The following NALF1 variants were observed in gnomAD, a reference collection of about 807,000 sequenced individuals.
The protein encoded by NALF1 is NALCN channel auxiliary factor 1, also known as family with sequence similarity 155 member A.
Under a neutral mutation model 48.4 loss-of-function variants are expected in NALF1, and 3 were observed. That is an observed-to-expected ratio of 0.06 (90% CI 0.03 to 0.16). The LOEUF (loss-of-function observed/expected upper bound fraction) is 0.16, where lower values mean the gene tolerates loss of function less well. NALF1 is among the 10% of genes least tolerant of loss of function. The pLI is 1.00. For synonymous variants in NALF1, 262 were observed against 245.7 expected, an observed-to-expected ratio of 1.07 and a Z score of -0.62; for missense variants, 526 against 571.5, an observed-to-expected ratio of 0.92 and a Z score of 0.81.
intron 1 of NALF1, among the ~76,000 whole-genome samples, chr13:107,455,142 C>T (rs1884803156): frequency 1.3e-5 from 2 of 152,094 alleles, no homozygotes; most frequent in African/African-American, 4.8e-5. Flanking sequence ...CTCTCACCTG[C>T]TGCCATGTAA....
At chr13:107,348,746 A>T (rs1051612181) in intron 1 of NALF1, among the ~76,000 whole-genome samples, 1 of 152,212 alleles carries the variant, frequency 6.6e-6, no homozygotes, top group African/African-American at 2.4e-5. Context: ...TTTCAGACGA[A>T]GCAGGCATTT....
intron 1 of NALF1, among the ~76,000 whole-genome samples, chr13:107,404,911 T>A (rs1443899433): frequency 2.6e-5 from 4 of 152,102 alleles, no homozygotes; most frequent in African/African-American, 4.8e-5. Context: ...CTCAATAAAG[T>A]TTCATCTATG....
intron 1 of NALF1, among the ~76,000 whole-genome samples, chr13:107,713,446 C>A (rs1469314420): frequency 1.3e-5 from 2 of 152,086 alleles, no homozygotes; most frequent in African/African-American, 4.8e-5. Context: ...AGGTGCTGTG[C>A]CAAGTGCCTT....
intron 1 of NALF1, among the ~76,000 whole-genome samples, chr13:107,817,303 G>A (rs1178116721): frequency 6.6e-6 from 1 of 152,198 alleles, no homozygotes; most frequent in African/African-American, 2.4e-5. Flanking sequence ...CACATTTTGA[G>A]TATGAAAACA....
intron 1 of NALF1, among the ~76,000 whole-genome samples, chr13:107,701,580 A>G (rs1881821154): frequency 1.3e-5 from 2 of 152,136 alleles, no homozygotes; most frequent in Admixed American, 1.3e-4. Flanking sequence ...GTGGGGTCAC[A>G]GAAGAGGAAA....
At chr13:107,640,355 A>G (rs1318691863) in intron 1 of NALF1, among the ~76,000 whole-genome samples, 1 of 152,208 alleles carries the variant, frequency 6.6e-6, no homozygotes, top group Non-Finnish European at 1.5e-5. Context: ...TGTTAGCACT[A>G]TAAAGTCAAG....
chr13:107,450,348 G>A (rs1469962680), intron 1 of NALF1, among the ~76,000 whole-genome samples: 3 of 152,184 alleles, frequency 2.0e-5, no homozygotes, highest in Non-Finnish European at 4.4e-5. Context: ...GGGCCTTGGG[G>A]AGAAGGTGGC....
chr13:107,427,430 G>C (rs1884299165), intron 1 of NALF1, among the ~76,000 whole-genome samples: 1 of 148,988 alleles, frequency 6.7e-6, no homozygotes, highest in South Asian at 2.1e-4. Context: ...CAGTCATTTT[G>C]ACTGTTTGGA....
chr13:107,706,227 G>A (rs921981311), intron 1 of NALF1, among the ~76,000 whole-genome samples: 13 of 152,102 alleles, frequency 8.5e-5, no homozygotes, highest in Non-Finnish European at 1.3e-4. Flanking sequence ...ATGCTTTTCC[G>A]CAACTCCCCA....
At chr13:107,179,742 G>A (rs78363189) in intron 2 of NALF1, among the ~76,000 whole-genome samples, 3,154 of 151,482 alleles carry the variant, frequency 0.021, 44 homozygotes, top group Non-Finnish European at 0.034. Context: ...TCAAGGTGTG[G>A]GCAGGGCTAT....
intron 1 of NALF1, among the ~76,000 whole-genome samples, chr13:107,261,088 T>C (rs753957759): frequency 1.3e-5 from 2 of 152,232 alleles, no homozygotes; most frequent in Non-Finnish European, 1.5e-5. Context: ...CACTAAAATT[T>C]TGGACTGGTT....
intron 2 of NALF1, among the ~76,000 whole-genome samples, chr13:107,199,661 CA>C (rs1190746518): frequency 8.5e-5 from 13 of 152,300 alleles, no homozygotes; most frequent in Admixed American, 6.5e-4. Flanking sequence ...TAAGTTCCAG[CA>C]TTCCAGGTAG....
intron 1 of NALF1, among the ~76,000 whole-genome samples, chr13:107,768,799 C>T (rs3858804): frequency 0.14 from 20,764 of 151,930 alleles, 1,635 homozygotes; most frequent in Admixed American, 0.23. Flanking sequence ...ATCTGACAAA[C>T]GGCTAATATC....
chr13:107,625,735 A>T (rs1230256622), intron 1 of NALF1, among the ~76,000 whole-genome samples: 1 of 152,160 alleles, frequency 6.6e-6, no homozygotes, highest in Admixed American at 6.6e-5. Flanking sequence ...TAATATTTCT[A>T]AAATAAATAA....
intron 1 of NALF1, among the ~76,000 whole-genome samples, chr13:107,532,104 C>T (rs1459324192): frequency 6.6e-6 from 1 of 152,056 alleles, no homozygotes; most frequent in Non-Finnish European, 1.5e-5. Flanking sequence ...CTTTTGTATA[C>T]TAAATCCTTT....
At chr13:107,194,404 C>T (rs761719875) in intron 2 of NALF1, among the ~76,000 whole-genome samples, 210 of 151,942 alleles carry the variant, frequency 1.4e-3, no homozygotes, top group Non-Finnish European at 2.7e-3. Flanking sequence ...AACAGAGAAC[C>T]CAGAAATAAA....
intron 1 of NALF1, among the ~76,000 whole-genome samples, chr13:107,617,098 G>T (rs1044471158): frequency 2.0e-5 from 3 of 152,082 alleles, no homozygotes; most frequent in African/African-American, 4.8e-5. Flanking sequence ...AGTTTGTCTG[G>T]AATTTAATCA....
intron 1 of NALF1, among the ~76,000 whole-genome samples, chr13:107,403,700 A>G (rs1883851214): frequency 6.9e-6 from 1 of 145,056 alleles, no homozygotes; most frequent in Non-Finnish European, 1.5e-5. Flanking sequence ...AGGAAATAGA[A>G]GGCCTTCTTT....
At chr13:107,397,280 C>G (rs558133006) in intron 1 of NALF1, among the ~76,000 whole-genome samples, 19 of 152,148 alleles carry the variant, frequency 1.2e-4, no homozygotes, top group Non-Finnish European at 2.6e-4. Context: ...CTCTCCAGGT[C>G]TGAGAAATGA....
Sources: allele counts gnomAD v4.1 joint callset (sites outside exome capture counted in the v4.1 genomes callset), GRCh38; gene constraint gnomAD v4.1.1; transcripts MANE v1.5; gene names NCBI Gene and HGNC (gene_info 2026-07-23, HGNC 2026-07-21).